IQCH: variants seen among roughly 807,000 people sequenced by gnomAD.
The protein encoded by IQCH is IQ domain-containing protein H.
In IQCH, 98 loss-of-function variants were observed where a neutral mutation model predicts 117.0. That is an observed-to-expected ratio of 0.84 (90% CI 0.71 to 0.99). IQCH has a LOEUF of 0.99. IQCH is among the 50% of genes least tolerant of loss of function. The pLI, the probability that IQCH is intolerant of heterozygous loss-of-function variation, is 0.00. For synonymous variants in IQCH, 412 were observed against 448.2 expected (o/e 0.92, Z 1.02); for missense variants, 1,102 against 1,243.8 (o/e 0.89, Z 1.72).
rs115253322 is a variant in IQCH, at chr15:67,440,380, C to T, written c.2505+18803C>T. ...CTAATTCATTTTATGAAGTCAGCAT[C>T]GCCCTAATACCAAAACCAGGAAAGG... On this transcript the variant is annotated intron_variant, in intron 16 of 20. Transcript: ENST00000335894. 4.4e-3 allele frequency among the ~76,000 whole-genome samples: 677 copies of T among 152,242 alleles called. 6 individuals carry two copies. Among genetic ancestry groups the T allele is most frequent in the African/African-American group, 0.016 (651 of 41,548 alleles).
chr15:67,344,164 G>A lies in IQCH; in HGVS notation c.610G>A (p.Asp204Asn). The change falls in exon 6 of 21, where the codon GAT becomes AAT. Residue 204 changes from aspartate (D) to asparagine (N), a missense_variant. By Grantham distance (23) the Asp-to-Asn change is conservative. Transcript: ENST00000335894. ...CAGAGCAGCTCCTCTGCATAGTTTTGATGAAGCACGTAAGATTCCAACTGT... is the reference window on the plus strand; with the variant it reads ...CAGAGCAGCTCCTCTGCATAGTTTTAATGAAGCACGTAAGATTCCAACTGT... ...TPRAAPLHSF[D>N]EARKIPTVAT... 1 of 1,613,636 alleles carries A rather than the reference G, an allele frequency of 6.2e-7. No homozygotes were observed. The highest frequency in any genetic ancestry group is 8.5e-7 in the Non-Finnish European group (1 of 1,179,728).
At chr15:67,437,038 C>G (rs1377981922) in intron 16 of IQCH, among the ~76,000 whole-genome samples, 2 of 152,134 alleles carry the variant, frequency 1.3e-5, no homozygotes. Flanking sequence ...AGTCCCTCTC[C>G]ACACTACTAT....
rs531001593 is a variant in IQCH at position 67,454,274 on chromosome 15, C to T, written c.2506-10853C>T. Among the ~76,000 whole-genome samples the T allele has an allele frequency of 6.6e-6, 1 of 152,284 alleles. No homozygotes were observed. The highest frequency in any genetic ancestry group is 2.1e-4 in the South Asian group (1 of 4,824). On this transcript the variant is annotated intron_variant, in intron 16 of 20. Coordinates refer to ENST00000335894, the MANE Select transcript of IQCH (RefSeq NM_001031715.3). This position sits in a 1 kb window ranked among gnomAD's most constrained non-coding sequence, Gnocchi z 5.2. ...TCTGGCACTCCCCAGTGAGATGAAC[C>T]CGGTACCTCAGTTGGAAATGCAGAA... is the stretch of plus-strand genomic sequence containing the variant.
At chr15:67,292,862 AC>A (rs1966798257) in intron 4 of IQCH, among the ~76,000 whole-genome samples, 1 of 152,132 alleles carries the variant, frequency 6.6e-6, no homozygotes, top group Admixed American at 6.5e-5. Flanking sequence ...TCCCCAAATG[AC>A]TTTTACTCCT....
intron 2 of IQCH, 137 bp from the exon 3 acceptor site, chr15:67,262,985 C>CATTA: frequency 1.6e-6 from 1 of 641,368 alleles, no homozygotes; most frequent in Non-Finnish European, 2.8e-6. Flanking sequence ...CCTAATGATA[C>CATTA]CTTAGGCACG....
At chr15:67,335,243 G>A (rs1275199143) in intron 4 of IQCH, among the ~76,000 whole-genome samples, 2 of 152,124 alleles carry the variant, frequency 1.3e-5, no homozygotes, top group African/African-American at 4.8e-5. Context: ...TCTCCTTTGT[G>A]TCATCCTTTA....
chr15:67,258,558 A>T (rs1832186786), intron 1 of IQCH, among the ~76,000 whole-genome samples: 1 of 152,086 alleles, frequency 6.6e-6, no homozygotes, highest in African/African-American at 2.4e-5. Flanking sequence ...ATGAAGTTAA[A>T]GATAATTGAG....
intron 4 of IQCH, among the ~76,000 whole-genome samples, chr15:67,333,001 T>C (rs554336051): frequency 6.6e-6 from 1 of 152,318 alleles, no homozygotes; most frequent in East Asian, 1.9e-4. Context: ...GCTGGCAGAT[T>C]TGGTGTCTGG....
At position 67,364,005 on chromosome 15, in the gene IQCH, T is replaced by C. The variant is rs573922284; in HGVS notation, c.753+4120T>C. On this transcript the variant is annotated intron_variant, in intron 8 of 20. Transcript: ENST00000335894. The surrounding 1 kb of genome is among the most constrained non-coding windows in gnomAD (Gnocchi z 4.1). ...ATGTCTTTGCTATTGTGAATAGTGC[T>C]GCAGTGAACATAACACATGCATGTG... Among the ~76,000 whole-genome samples, 37 of 152,336 alleles carry C rather than the reference T, an allele frequency of 2.4e-4. 1 individual carries two copies. The South Asian group carries it at 4.3e-3, about 18-fold the overall frequency.
chr15:67,496,613 G>C lies in IQCH; in HGVS notation c.2970+2247G>C, dbSNP rs1356805647. On this transcript the variant is annotated intron_variant, in intron 20 of 20. Transcript: ENST00000335894. The surrounding 1 kb of genome is among the most constrained non-coding windows in gnomAD (Gnocchi z 4.4). ...TAATCCCAGCACTTTGGGAGGCCAA[G>C]GTGGGAGGATTACTTGCACTCAGGA... Among the ~76,000 whole-genome samples the C allele has an allele frequency of 6.6e-6, 1 of 152,176 alleles. No individual in the cohort carries two copies. The highest frequency in any genetic ancestry group is 1.5e-5 in the Non-Finnish European group (1 of 68,032).
rs199619092 is a variant in IQCH, at chr15:67,400,486, T to TTTTTTC, written c.2097+185_2097+186insTCTTTT. The stretch of plus-strand genomic sequence containing the variant: ...ATGAATGGGATTGACTGAGTTCTTT[T>TTTTTTC]TTTTCTTTTTTTTTTTGAGATGGGG... On this transcript the variant is annotated intron_variant, in intron 14 of 20. Transcript: ENST00000335894. Among the ~76,000 whole-genome samples the TTTTTTC allele has an allele frequency of 6.2e-4, 43 of 68,976 alleles. No homozygotes were observed. The Admixed American group carries it at 7.5e-3, about 12-fold the overall frequency. 45.3% of individuals were successfully genotyped at this position (68,976 alleles called of 152,430 possible).
chr15:67,348,603 G>GA (rs1969514759), intron 6 of IQCH, among the ~76,000 whole-genome samples: 1 of 152,052 alleles, frequency 6.6e-6, no homozygotes, highest in African/African-American at 2.4e-5. Context: ...AAACACTAAT[G>GA]AAAAAATTAA....
chr15:67,500,861 T>G lies in IQCH; in HGVS notation c.*115T>G. ...TTGGTTTGCTTTGTGTGCTAGGAGG[T>G]GAATCAGAACAGATTATAATGAAAT... On this transcript the variant is annotated 3_prime_UTR_variant, in exon 21 of 21. Transcript: ENST00000335894. The surrounding 1 kb of genome is among the most constrained non-coding windows in gnomAD (Gnocchi z 4.4). 1.8e-6 allele frequency: 1 copy of G among 557,700 alleles called. No individual in the cohort carries two copies. Among genetic ancestry groups the G allele is most frequent in the Non-Finnish European group, 3.2e-6 (1 of 310,342 alleles). The allele number at this position is 557,700 out of a possible 1,614,324, so 34.5% of individuals were successfully genotyped here.
chr15:67,435,010 T>A (rs572255580), intron 16 of IQCH, among the ~76,000 whole-genome samples: 4 of 112,064 alleles, frequency 3.6e-5, no homozygotes, highest in African/African-American at 9.5e-5. Context: ...TTTTTTTTAA[T>A]TTTTTTAAGC....
intron 4 of IQCH, among the ~76,000 whole-genome samples, chr15:67,289,360 T>C (rs1596109171): frequency 6.6e-6 from 1 of 152,012 alleles, no homozygotes; most frequent in Non-Finnish European, 1.5e-5. Flanking sequence ...TAAGAGATGA[T>C]GAAGGTCTGA....
intron 4 of IQCH, among the ~76,000 whole-genome samples, chr15:67,286,985 G>A (rs781231318): frequency 6.6e-6 from 1 of 152,104 alleles, no homozygotes; most frequent in Non-Finnish European, 1.5e-5. Context: ...CTTGTGAAAC[G>A]TTGTTGAATT....
intron 10 of IQCH, among the ~76,000 whole-genome samples, chr15:67,378,732 T>C (rs1396428383): frequency 2.6e-5 from 4 of 152,106 alleles, no homozygotes; most frequent in Non-Finnish European, 5.9e-5. Flanking sequence ...AGCATTGAAC[T>C]GGGTGTCAGG....
At chr15:67,371,423 A>G (rs1160033630) in intron 8 of IQCH, 3 of 1,371,098 alleles carry the variant, frequency 2.2e-6, no homozygotes, top group African/African-American at 1.5e-5. Context: ...TGGTTTTGTT[A>G]TCAGATTTGT....
intron 4 of IQCH, among the ~76,000 whole-genome samples, chr15:67,324,244 C>T (rs1968290263): frequency 6.6e-6 from 1 of 151,260 alleles, no homozygotes; most frequent in Admixed American, 6.6e-5. Context: ...CACGCCCAGC[C>T]TCAAGCATTT....
Sources: gnomAD v4.1 joint callset for allele counts (sites outside exome capture counted in the v4.1 genomes callset) on GRCh38, gnomAD v4.1.1 for gene constraint, Gnocchi (gnomAD v3.1) non-coding constraint, MANE v1.5 for transcripts, NCBI Gene and HGNC (gene_info 2026-07-23, HGNC 2026-07-21) for gene names.